ISL1: variants seen among roughly 807,000 people sequenced by gnomAD.
The protein encoded by ISL1 is insulin gene enhancer protein ISL-1.
A neutral mutation model predicts 35.3 loss-of-function variants in ISL1; 4 were observed. The ratio of observed to expected loss-of-function variants is 0.11; its 90% CI spans 0.06 to 0.26. The LOEUF (loss-of-function observed/expected upper bound fraction) is 0.26. ISL1 is among the 10% of genes least tolerant of loss of function. The probability of loss-of-function intolerance (pLI) is 1.00; values close to 1 mark genes in which losing one functional copy is unlikely to be tolerated. For synonymous variants in ISL1, 186 were observed against 172.3 expected, an observed-to-expected ratio of 1.08 and a Z score of -0.62; for missense variants, 340 against 472.8, an observed-to-expected ratio of 0.72 and a Z score of 2.60.
intron 5 of ISL1, 177 bp downstream of exon 5, chr5:51,391,618 G>T: frequency 1.5e-6 from 1 of 666,344 alleles, no homozygotes; most frequent in Non-Finnish European, 2.6e-6. Flanking sequence ...CGAACCTCTT[G>T]GCATCTTTTT....
At position 51,389,071 on chromosome 5, in the gene ISL1, C is replaced by T. The variant is rs1189223292; in HGVS notation, c.479-575C>T. On this transcript the variant is annotated intron_variant, in intron 3 of 5. Coordinates refer to ENST00000230658, the MANE Select transcript of ISL1 (RefSeq NM_002202.3). The surrounding 1 kb of genome is among the most constrained non-coding windows in gnomAD (Gnocchi z 5.0). ...TGTCCTCTCGGACTGAAGTTCAAGG[C>T]GTTCTGGCAGAGTTCTCGACCTTCC... 6.6e-6 allele frequency among the ~76,000 whole-genome samples: 1 copy of T among 152,160 alleles called. No homozygotes were observed. Among genetic ancestry groups the T allele is most frequent in the East Asian group, 1.9e-4 (1 of 5,170 alleles).
Position 51,384,584 on chromosome 5 carries a change from T to C in ISL1, c.72T>C (p.Ile24=), listed in dbSNP as rs1436665599. 1 of 1,614,180 alleles carries C rather than the reference T, an allele frequency of 6.2e-7. No homozygotes were observed. Among genetic ancestry groups the C allele is most frequent in the Non-Finnish European group, 8.5e-7 (1 of 1,180,016 alleles). ...TATGTGTTGGTTGCGGCAATCAGATTCACGATCAGTATATTCTGAGGGTTT... is the reference window on the plus strand; with the variant it reads ...TATGTGTTGGTTGCGGCAATCAGATCCACGATCAGTATATTCTGAGGGTTT... The part of the protein sequence containing the change: ...ISLCVGCGNQ[I]HDQYILRVSP... The change falls in exon 2 of 6, where the codon ATT becomes ATC. Residue 24 remains isoleucine (I), a synonymous_variant. Coordinates refer to ENST00000230658, the MANE Select transcript of ISL1 (RefSeq NM_002202.3).
At chr5:51,386,674 A>AT (rs768360833) in intron 2 of ISL1, 12 of 452,776 alleles carry the variant, frequency 2.7e-5, no homozygotes, top group Admixed American at 2.6e-4. Flanking sequence ...GGGTCTTTGC[A>AT]TTTTTTTCAT....
In ISL1 at chr5:51,387,875, T is replaced by A. The variant is rs922839146; in HGVS notation, c.478+126T>A. ...TTGCCTGCAGTTAAATGAAGTGTTC[T>A]GTATGCAATTTGCGCTGTGCTCTGC... is the stretch of plus-strand genomic sequence containing the variant. On this transcript the variant is annotated intron_variant, in intron 3 of 5. Transcript: ENST00000230658. This position sits in a 1 kb window ranked among gnomAD's most constrained non-coding sequence, Gnocchi z 4.3. 2.4e-6 allele frequency: 3 copies of A among 1,273,574 alleles called. No homozygotes were observed. Among genetic ancestry groups the A allele is most frequent in the Non-Finnish European group, 3.3e-6 (3 of 911,594 alleles). The allele number at this position is 1,273,574 out of a possible 1,614,324, so 78.9% of individuals were successfully genotyped here. A position where few individuals can be genotyped will look rare whatever the true frequency, so the allele number is the denominator to read the frequency against.
Position 51,383,453 on chromosome 5 carries a change from T to G in ISL1, c.-219T>G, listed in dbSNP as rs555406271. 140 of 617,092 alleles carry G rather than the reference T, an allele frequency of 2.3e-4. No homozygotes were observed. The highest frequency in any genetic ancestry group is 1.3e-3 in the African/African-American group (69 of 54,106). The allele number at this position is 617,092 out of a possible 1,614,324, so 38.2% of individuals were successfully genotyped here. A position where few individuals can be genotyped will look rare whatever the true frequency, so the allele number is the denominator to read the frequency against. ...AGAGGTGCCCGAGCCGCGCCGAGTC[T>G]GCCGCCGCCGCAGCGCCTCCGCTCC... On this transcript the variant is annotated 5_prime_UTR_variant, in exon 1 of 6. Coordinates refer to ENST00000230658, the MANE Select transcript of ISL1 (RefSeq NM_002202.3).
rs1425475003 is a variant in ISL1, at chr5:51,390,667, T to C, written c.766-607T>C. On this transcript the variant is annotated intron_variant, in intron 4 of 5. Coordinates refer to ENST00000230658, the MANE Select transcript of ISL1 (RefSeq NM_002202.3). ...CTTTTTTTTTTTTTTTTTTTTTTTT[T>C]TTTTTTTTTTTTTACTGCTTTGGAC... 5.2e-4 allele frequency among the ~76,000 whole-genome samples: 69 copies of C among 131,676 alleles called. 3 individuals are homozygous for C. Among genetic ancestry groups the C allele is most frequent in the African/African-American group, 1.6e-3 (59 of 36,652 alleles). 86.4% of individuals were successfully genotyped at this position (131,676 alleles called of 152,430 possible).
At chr5:51,391,103 A>G (rs1322077708) in intron 4 of ISL1, among the ~76,000 whole-genome samples, 171 bp from the exon 5 acceptor site, 9 of 152,186 alleles carry the variant, frequency 5.9e-5, no homozygotes, top group Non-Finnish European at 1.3e-4. Context: ...AAAACAATAA[A>G]ACAAATTGAA....
In ISL1 at chr5:51,390,636, C is replaced by CCTTTTTTTTTTTTTTTTTTTTTTTTT. The variant is rs1747475980; in HGVS notation, c.766-638_766-637insCTTTTTTTTTTTTTTTTTTTTTTTTT. On this transcript the variant is annotated intron_variant, in intron 4 of 5. Coordinates refer to ENST00000230658, the MANE Select transcript of ISL1 (RefSeq NM_002202.3). The stretch of plus-strand genomic sequence containing the variant: ...TTTTCTTCCTTTTTTTCTTTTCTTT[C>CCTTTTTTTTTTTTTTTTTTTTTTTTT]TTTTTCTTTTTTTTTTTTTTTTTTT... Among the ~76,000 whole-genome samples, 5 of 74,326 alleles carry CCTTTTTTTTTTTTTTTTTTTTTTTTT rather than the reference C, an allele frequency of 6.7e-5. 1 individual carries two copies. Among genetic ancestry groups the CCTTTTTTTTTTTTTTTTTTTTTTTTT allele is most frequent in the African/African-American group, 2.1e-4 (5 of 23,650 alleles). The allele number at this position is 74,326 out of a possible 152,430, so 48.8% of individuals were successfully genotyped here. A position where few individuals can be genotyped will look rare whatever the true frequency, so the allele number is the denominator to read the frequency against.
chr5:51,384,431 G>T, intron 1 of ISL1, 110 bp from the exon 2 acceptor site: 15 of 829,980 alleles, frequency 1.8e-5, no homozygotes, highest in Admixed American at 2.7e-5. Flanking sequence ...AAGAAAGAAA[G>T]AAAGAAAAAA....
chr5:51,384,764 G>A, intron 2 of ISL1, 34 bp downstream of exon 2: 6 of 1,571,028 alleles, frequency 3.8e-6, no homozygotes, highest in Non-Finnish European at 5.3e-6. Context: ...TAATTTTGTG[G>A]GATTTCCCTG....
chr5:51,387,752 ACTCCTCTG>A lies in ISL1; in HGVS notation c.478+5_478+12del, dbSNP rs764611058. 1 of 1,613,726 alleles carries A rather than the reference ACTCCTCTG, an allele frequency of 6.2e-7. No individual in the cohort carries two copies. Among genetic ancestry groups the A allele is most frequent in the African/African-American group, 1.3e-5 (1 of 74,888 alleles). On this transcript the variant is annotated splice_donor_5th_base_variant and intron_variant, in intron 3 of 5. Coordinates refer to ENST00000230658, the MANE Select transcript of ISL1 (RefSeq NM_002202.3). This position sits in a 1 kb window ranked among gnomAD's most constrained non-coding sequence, Gnocchi z 4.3. ...AGCGCGGCCACTGCAAATGGCAGGTACTCCTCTGCCCGGCTCGGGTAGGCAGGCGCCAG... is the reference window on the plus strand; with the variant it reads ...AGCGCGGCCACTGCAAATGGCAGGTACCCGGCTCGGGTAGGCAGGCGCCAG...
chr5:51,390,098 A>C (rs1747455339), intron 4 of ISL1, among the ~76,000 whole-genome samples, 166 bp downstream of exon 4: 1 of 152,070 alleles, frequency 6.6e-6, no homozygotes, highest in African/African-American at 2.4e-5. Flanking sequence ...CCCGGGGGAC[A>C]GGCTACCCGG....
chr5:51,388,669 T>C (rs1399287701), intron 3 of ISL1, among the ~76,000 whole-genome samples: 1 of 152,210 alleles, frequency 6.6e-6, no homozygotes, highest in East Asian at 1.9e-4. Flanking sequence ...AAAGTATCAA[T>C]TCCCACTAAA....
intron 3 of ISL1, among the ~76,000 whole-genome samples, chr5:51,388,607 T>A (rs1271769450): frequency 2.0e-5 from 3 of 152,218 alleles, no homozygotes; most frequent in Non-Finnish European, 2.9e-5. Flanking sequence ...AGGTGGACAG[T>A]GTTTCCAAAC....
chr5:51,390,031 G>A (rs1318845581), intron 4 of ISL1, 99 bp downstream of exon 4: 1 of 1,387,420 alleles, frequency 7.2e-7, no homozygotes, highest in South Asian at 1.3e-5. Context: ...TTTCAATCCT[G>A]CTCCTGGGCA....
intron 5 of ISL1, 104 bp downstream of exon 5, chr5:51,391,545 T>C: frequency 7.3e-7 from 1 of 1,368,018 alleles, no homozygotes; most frequent in Admixed American, 1.8e-5. Context: ...CTTCTTGGGC[T>C]CAGGGTTGGG....
At position 51,389,686 on chromosome 5, in the gene ISL1, C is replaced by A; in HGVS notation, c.519C>A (p.His173Gln). Reference sequence around the variant, plus strand: ...CCAGGCAGCCAGCCCTGCGGCCCCACGTCCACAAGCAGCCGGAGAAGACCA... The same window carrying A: ...CCAGGCAGCCAGCCCTGCGGCCCCAAGTCCACAAGCAGCCGGAGAAGACCA... ...ISARQPALRP[H>Q]VHKQPEKTTR... is the part of the protein sequence containing the mutation. The change falls in exon 4 of 6, where the codon CAC becomes CAA. Residue 173 changes from histidine (H) to glutamine (Q), a missense_variant. His to Gln is a conservative substitution (Grantham distance 24). Around this residue, in one of 7 missense-constraint regions of ISL1, gnomAD observed 94 missense variants for 102.1 expected, o/e 0.92. Coordinates refer to ENST00000230658, the MANE Select transcript of ISL1 (RefSeq NM_002202.3). The surrounding 1 kb of genome is among the most constrained non-coding windows in gnomAD (Gnocchi z 5.0). The A allele has an allele frequency of 6.2e-7, 1 of 1,612,822 alleles. No homozygotes were observed. The highest frequency in any genetic ancestry group is 8.5e-7 in the Non-Finnish European group (1 of 1,179,908).
rs1747445782 is a variant in ISL1 at position 51,389,890 on chromosome 5, CATG to C, written c.728_730del (p.Met243del). The C allele has an allele frequency of 6.2e-7, 1 of 1,614,036 alleles. No homozygotes were observed. Among genetic ancestry groups the C allele is most frequent in the African/African-American group, 1.3e-5 (1 of 74,928 alleles). On this transcript the variant is annotated inframe_deletion, in exon 4 of 6. Transcript: ENST00000230658. The surrounding 1 kb of genome is among the most constrained non-coding windows in gnomAD (Gnocchi z 5.0). ...GGTGCAAGGACAAGAAGCGAAGCAT[CATG>C]ATGAAGCAACTCCAGCAGCAGCAGC... is the stretch of plus-strand genomic sequence containing the variant.
At position 51,387,291 on chromosome 5, in the gene ISL1, G is replaced by A. The variant is rs188470049; in HGVS notation, c.219-199G>A. On this transcript the variant is annotated intron_variant, in intron 2 of 5. Coordinates refer to ENST00000230658, the MANE Select transcript of ISL1 (RefSeq NM_002202.3). This position sits in a 1 kb window ranked among gnomAD's most constrained non-coding sequence, Gnocchi z 4.3. Reference sequence around the variant, plus strand: ...GGAGGGAGGGGAAAAGAGAGATGGGGGAAGGAAGAGAGACAGGGAAGGAGA... The same window carrying A: ...GGAGGGAGGGGAAAAGAGAGATGGGAGAAGGAAGAGAGACAGGGAAGGAGA... 1.3e-5 allele frequency among the ~76,000 whole-genome samples: 2 copies of A among 152,238 alleles called. No homozygotes were observed. The highest frequency in any genetic ancestry group is 3.9e-4 in the East Asian group (2 of 5,166).
Sources: gnomAD v4.1 joint callset for allele counts (sites outside exome capture counted in the v4.1 genomes callset) on GRCh38, gnomAD v4.1.1 for gene constraint, gnomAD v4.1.1 regional missense constraint, Gnocchi (gnomAD v3.1) non-coding constraint, MANE v1.5 for transcripts, NCBI Gene and HGNC (gene_info 2026-07-23, HGNC 2026-07-21) for gene names.